The following RAB1B variants were observed in gnomAD, a reference collection of about 807,000 sequenced individuals.
RAB1B encodes RAB1B, member RAS oncogene family, also known as ras-related protein Rab-1B.
In RAB1B, 10 loss-of-function variants were observed where a neutral mutation model predicts 24.8. The observed-to-expected ratio is 0.40, with a 90% CI of 0.25 to 0.68. RAB1B has a LOEUF of 0.68. Among genes scored for constraint, RAB1B ranks in the 30% least tolerant of loss-of-function variants. RAB1B has a pLI of 0.37. For synonymous variants in RAB1B, 99 were observed against 111.7 expected, an observed-to-expected ratio of 0.89 and a Z score of 0.72; for missense variants, 154 against 271.2, an observed-to-expected ratio of 0.57 and a Z score of 3.04.
intron 5 of RAB1B, 33 bp downstream of exon 5, chr11:66,275,968 G>T (rs1250311415): frequency 6.2e-7 from 1 of 1,608,804 alleles, no homozygotes; most frequent in African/African-American, 1.3e-5. Context: ...CGGGGTCGGG[G>T]CGCTGGGGCC....
intron 4 of RAB1B, among the ~76,000 whole-genome samples, chr11:66,274,044 A>G (rs1310537727): frequency 6.6e-6 from 1 of 152,056 alleles, no homozygotes; most frequent in African/African-American, 2.4e-5. Context: ...GTGTGATCAT[A>G]GCTCATTGTA....
At chr11:66,271,475 C>G (rs185962644) in intron 1 of RAB1B, 1,312 of 105,440 alleles carry the variant, frequency 0.012, 11 homozygotes, top group Non-Finnish European at 0.017. Flanking sequence ...GCAACAAGAG[C>G]AAAACTCAGT....
chr11:66,272,066 G>C, intron 2 of RAB1B, 91 bp from the exon 3 acceptor site: 1 of 1,063,284 alleles, frequency 9.4e-7, no homozygotes, highest in South Asian at 1.3e-5. Context: ...GTGGTTCGGA[G>C]ACCCAGCTGG....
intron 1 of RAB1B, among the ~76,000 whole-genome samples, chr11:66,269,518 ATCT>A (rs1237443978): frequency 3.9e-5 from 6 of 152,298 alleles, no homozygotes; most frequent in Non-Finnish European, 7.4e-5. Flanking sequence ...AGTATCAGTT[ATCT>A]TCTTCCTTTT....
intron 3 of RAB1B, 44 bp downstream of exon 3, chr11:66,272,296 C>G: frequency 6.3e-7 from 1 of 1,598,658 alleles, no homozygotes; most frequent in Non-Finnish European, 8.6e-7. Flanking sequence ...GAGGTATCCA[C>G]CTTGGGAGGG....
At position 66,272,212 on chromosome 11, in the gene RAB1B, G is replaced by A. The variant is rs1565181422; in HGVS notation, c.143G>A (p.Arg48Gln). 1 of 1,613,984 alleles carries A rather than the reference G, an allele frequency of 6.2e-7. No individual in the cohort carries two copies. Among genetic ancestry groups the A allele is most frequent in the Non-Finnish European group, 8.5e-7 (1 of 1,179,896 alleles). Residue 48 changes from arginine to glutamine, a missense_variant, in exon 3 of 6, where the codon CGA becomes CAA. Arg to Gln is a conservative substitution (Grantham distance 43). This residue lies in a region of RAB1B where 77 missense variants were observed against 173.4 expected (regional missense o/e 0.44). Coordinates refer to ENST00000311481, the MANE Select transcript of RAB1B (RefSeq NM_030981.3). ...ISTIGVDFKIRTIELDGKTIK... is the reference protein window; with the variant it reads ...ISTIGVDFKIQTIELDGKTIK... ...ACCATCGGGGTGGACTTCAAGATCC[G>A]AACCATCGAGCTGGATGGCAAAACT...
intron 3 of RAB1B, 34 bp from the exon 4 acceptor site, chr11:66,272,331 C>T (rs1857073991): frequency 1.2e-6 from 2 of 1,608,416 alleles, no homozygotes; most frequent in East Asian, 2.2e-5. Context: ...CTCTGGACCT[C>T]AGCTGACCTG....
At chr11:66,271,129 T>A (rs1363956538) in intron 1 of RAB1B, 1 of 152,352 alleles carries the variant, frequency 6.6e-6, no homozygotes, top group Non-Finnish European at 1.5e-5. Flanking sequence ...GTGAATCAAT[T>A]GAACCCGGGA....
chr11:66,269,252 T>G (rs1385686222), intron 1 of RAB1B, among the ~76,000 whole-genome samples: 1 of 152,094 alleles, frequency 6.6e-6, no homozygotes, highest in East Asian at 1.9e-4. Flanking sequence ...TCCTACCCTT[T>G]GCCTGGGTCG....
chr11:66,275,308 G>A (rs993587433), intron 4 of RAB1B, among the ~76,000 whole-genome samples: 6 of 152,280 alleles, frequency 3.9e-5, no homozygotes, highest in South Asian at 4.1e-4. Context: ...ATGAATTTTA[G>A]GCTGTTCCCA....
At chr11:66,269,755 A>G (rs1257511342) in intron 1 of RAB1B, 1 of 152,374 alleles carries the variant, frequency 6.6e-6, no homozygotes, top group Admixed American at 6.5e-5. Context: ...GTTGACAATG[A>G]CAAAACTGAC....
intron 4 of RAB1B, among the ~76,000 whole-genome samples, chr11:66,275,129 G>A (rs1249915088): frequency 6.6e-6 from 1 of 152,218 alleles, no homozygotes; most frequent in Non-Finnish European, 1.5e-5. Flanking sequence ...ATGGCAAGAG[G>A]TCTAAGTTTG....
rs1463985421 is a variant in RAB1B, at chr11:66,276,186, A to G, written c.554A>G (p.Asn185Ser). 2 of 1,605,766 alleles carry G rather than the reference A, an allele frequency of 1.2e-6. No homozygotes were observed. The highest frequency in any genetic ancestry group is 1.8e-5 in the Admixed American group (1 of 57,042). ...GCAGCCTCTGGGGGCGAGCGGCCCA[A>G]TCTCAAGATCGACAGCACCCCTGTA... is the stretch of plus-strand genomic sequence containing the variant. ...PGAASGGERP[N>S]LKIDSTPVKP... Residue 185 changes from asparagine to serine, a missense_variant, in exon 6 of 6, where the codon AAT (asparagine) becomes AGT (serine). By Grantham distance (46) the Asn-to-Ser change is conservative (BLOSUM62 1). This residue lies in a region of RAB1B where 77 missense variants were observed against 97.8 expected (regional missense o/e 0.79). Coordinates refer to ENST00000311481, the MANE Select transcript of RAB1B (RefSeq NM_030981.3).
At chr11:66,274,141 G>A (rs1252157346) in intron 4 of RAB1B, among the ~76,000 whole-genome samples, 1 of 152,026 alleles carries the variant, frequency 6.6e-6, no homozygotes, top group African/African-American at 2.4e-5. Flanking sequence ...TGCCCCAGCT[G>A]CATCCCCATC....
chr11:66,272,141 G>A lies in RAB1B; in HGVS notation c.88-16G>A, dbSNP rs1366711530. On this transcript the variant is annotated splice_polypyrimidine_tract_variant and intron_variant, in intron 2 of 5. Transcript: ENST00000311481. ...CTCATTAACTCCCATGATTTCATTG[G>A]CCCCTGAACTTTCAGGATGACACGT... is the stretch of plus-strand genomic sequence containing the variant. 1.1e-5 allele frequency: 18 copies of A among 1,575,832 alleles called. No individual in the cohort carries two copies. Among genetic ancestry groups the A allele is most frequent in the Non-Finnish European group, 1.6e-5 (18 of 1,146,044 alleles).
At chr11:66,271,753 G>T in intron 1 of RAB1B, 44 bp from the exon 2 acceptor site, 1 of 1,376,696 alleles carries the variant, frequency 7.3e-7, no homozygotes, top group South Asian at 1.2e-5. Context: ...GATGGTAGGT[G>T]GGCTCCCTGC....
chr11:66,272,508 C>CT (rs754808130), intron 4 of RAB1B, 48 bp downstream of exon 4: 1 of 1,223,818 alleles, frequency 8.2e-7, no homozygotes. Context: ...AGCCTTAGGT[C>CT]TTTGACTCTT....
At chr11:66,269,473 C>CCA (rs1857015998) in intron 1 of RAB1B, among the ~76,000 whole-genome samples, 1 of 152,220 alleles carries the variant, frequency 6.6e-6, no homozygotes, top group South Asian at 2.1e-4. Flanking sequence ...GGTAGGTGGC[C>CCA]CACATCTCAT....
chr11:66,272,682 G>C (rs1393563557), intron 4 of RAB1B: 3 of 369,714 alleles, frequency 8.1e-6, no homozygotes, highest in African/African-American at 6.2e-5. Flanking sequence ...TGAAGGCCCT[G>C]CTGCAGGTTC....
Sources: allele counts gnomAD v4.1 joint callset (sites outside exome capture counted in the v4.1 genomes callset), GRCh38; gene constraint gnomAD v4.1.1; regional missense constraint gnomAD v4.1.1; transcripts MANE v1.5; gene names NCBI Gene and HGNC (gene_info 2026-07-23, HGNC 2026-07-21).